Variants in GRIK2 observed in about 807,000 individuals in gnomAD.
GRIK2 encodes glutamate receptor ionotropic, kainate 2.
GRIK2 carries 32 observed loss-of-function variants against 100.3 expected under a neutral mutation model. The observed-to-expected ratio is 0.32, with a 90% CI of 0.24 to 0.43. GRIK2 has a LOEUF of 0.43. Among genes scored for constraint, GRIK2 ranks in the 20% least tolerant of loss-of-function variants. The pLI is 1.00. For missense variants in GRIK2, 843 were observed against 1,114.9 expected (o/e 0.76, Z 3.47); for synonymous variants, 417 against 389.4 (o/e 1.07, Z -0.83).
intron 14 of GRIK2, among the ~76,000 whole-genome samples, chr6:101,977,929 A>G (rs1009360387): frequency 6.6e-6 from 1 of 152,054 alleles, no homozygotes; most frequent in Admixed American, 6.6e-5. Context: ...AACATACTTG[A>G]AATGGACTGA....
Position 101,592,146 on chromosome 6 carries a change from C to T in GRIK2, c.116-29803C>T, listed in dbSNP as rs554675623. On this transcript the variant is annotated intron_variant, in intron 2 of 16. Transcript: ENST00000369134. ...AGGAGCAGATGCCAGCATCATGCTTCCTGTACAGCCTGCAGAACCATGAGC... is the reference window on the plus strand; with the variant it reads ...AGGAGCAGATGCCAGCATCATGCTTTCTGTACAGCCTGCAGAACCATGAGC... Among the ~76,000 whole-genome samples, 9 of 152,112 alleles carry T rather than the reference C, an allele frequency of 5.9e-5. No homozygotes were observed. The South Asian group carries it at 1.9e-3, about 32-fold the overall frequency.
Position 101,844,768 on chromosome 6 carries a change from G to A in GRIK2, c.1318-14519G>A, listed in dbSNP as rs760695632. 5.3e-5 allele frequency among the ~76,000 whole-genome samples: 8 copies of A among 152,044 alleles called. No individual in the cohort carries two copies. In the East Asian group the frequency reaches 7.7e-4, roughly 15 times the overall value. ...CTCATTTTTTTCTTTTTGGTACAGC[G>A]TTTGGCAAACTAAGTTCAGAGGGCT... is the stretch of plus-strand genomic sequence containing the variant. On this transcript the variant is annotated intron_variant, in intron 10 of 16. Coordinates refer to ENST00000369134, the MANE Select transcript of GRIK2 (RefSeq NM_021956.5).
At chr6:101,781,957 C>A (rs1779124324) in intron 7 of GRIK2, among the ~76,000 whole-genome samples, 1 of 152,122 alleles carries the variant, frequency 6.6e-6, no homozygotes, top group Non-Finnish European at 1.5e-5. Flanking sequence ...GGACACCCAA[C>A]TTCTCGTTCC....
intron 5 of GRIK2, among the ~76,000 whole-genome samples, chr6:101,679,615 T>TA (rs568067952): frequency 4.9e-4 from 75 of 151,936 alleles, no homozygotes; most frequent in Non-Finnish European, 8.1e-4. Context: ...GCAAGTTATT[T>TA]AAAAAAAAAT....
chr6:101,768,651 T>C (rs1445391717), intron 7 of GRIK2, among the ~76,000 whole-genome samples: 1 of 152,024 alleles, frequency 6.6e-6, no homozygotes, highest in Non-Finnish European at 1.5e-5. Context: ...GCCTAAATCA[T>C]ATTGTTTAGG....
At chr6:101,795,027 C>T (rs1260313635) in intron 7 of GRIK2, among the ~76,000 whole-genome samples, 1 of 151,840 alleles carries the variant, frequency 6.6e-6, no homozygotes, top group African/African-American at 2.4e-5. Flanking sequence ...CTACCATGAC[C>T]CACTAACTTT....
At chr6:101,520,221 AT>A (rs1348955331) in intron 2 of GRIK2, among the ~76,000 whole-genome samples, 9 of 151,918 alleles carry the variant, frequency 5.9e-5, no homozygotes, top group African/African-American at 7.2e-5. Context: ...ATTCTAAAGG[AT>A]TTTTTTCAAA....
At chr6:101,925,294 G>A (rs999851981) in intron 13 of GRIK2, among the ~76,000 whole-genome samples, 4 of 151,842 alleles carry the variant, frequency 2.6e-5, no homozygotes, top group Admixed American at 6.6e-5. Context: ...ATACTTTTTC[G>A]TAATTATTTA....
At chr6:101,936,250 T>C (rs1412695304) in intron 14 of GRIK2, among the ~76,000 whole-genome samples, 1 of 152,030 alleles carries the variant, frequency 6.6e-6, no homozygotes, top group East Asian at 1.9e-4. Flanking sequence ...CTGGAAGAAA[T>C]ATCGCAGTAA....
chr6:101,401,019 G>T (rs570326593), intron 2 of GRIK2, among the ~76,000 whole-genome samples: 157 of 152,304 alleles, frequency 1.0e-3, no homozygotes, highest in African/African-American at 2.6e-3. Context: ...TGTGTTTTTT[G>T]TGTGTGTGTT....
intron 2 of GRIK2, among the ~76,000 whole-genome samples, chr6:101,593,853 G>A (rs1392789495): frequency 1.3e-5 from 2 of 151,326 alleles, no homozygotes. Flanking sequence ...TCATGCTATT[G>A]GAAAATTTTA....
At chr6:101,942,655 G>A (rs572762361) in intron 14 of GRIK2, among the ~76,000 whole-genome samples, 1 of 152,298 alleles carries the variant, frequency 6.6e-6, no homozygotes, top group South Asian at 2.1e-4. Flanking sequence ...GTGGAACTTT[G>A]AGCTTGATAG....
intron 9 of GRIK2, among the ~76,000 whole-genome samples, chr6:101,807,766 G>C (rs1041491928): frequency 6.6e-6 from 1 of 151,878 alleles, no homozygotes; most frequent in African/African-American, 2.4e-5. Flanking sequence ...GATTGTTTTG[G>C]GTAGATTGCC....
chr6:101,668,239 A>G (rs553709498), intron 4 of GRIK2, among the ~76,000 whole-genome samples: 6 of 152,144 alleles, frequency 3.9e-5, no homozygotes, highest in Non-Finnish European at 8.8e-5. Flanking sequence ...CTAAGCCCCA[A>G]TTATCTCTGT....
At chr6:101,942,320 A>T (rs1052046908) in intron 14 of GRIK2, among the ~76,000 whole-genome samples, 10 of 152,126 alleles carry the variant, frequency 6.6e-5, no homozygotes, top group African/African-American at 2.4e-4. Flanking sequence ...GAAACAGACT[A>T]ATATAGAAAT....
intron 7 of GRIK2, among the ~76,000 whole-genome samples, chr6:101,743,420 G>GT (rs1776172993): frequency 6.6e-6 from 1 of 152,170 alleles, no homozygotes. Flanking sequence ...TTTAAGCAGG[G>GT]TTTAATCCAT....
At chr6:101,867,800 T>C (rs1279976204) in intron 11 of GRIK2, among the ~76,000 whole-genome samples, 1 of 151,502 alleles carries the variant, frequency 6.6e-6, no homozygotes, top group South Asian at 2.1e-4. Context: ...CTGTGATGTA[T>C]TCTGAGAATA....
At chr6:101,706,396 A>G (rs1382449209) in intron 7 of GRIK2, among the ~76,000 whole-genome samples, 1 of 151,882 alleles carries the variant, frequency 6.6e-6, no homozygotes, top group Non-Finnish European at 1.5e-5. Flanking sequence ...ATATTGTTGT[A>G]TATTTACAAA....
chr6:101,787,751 G>A (rs918133574), intron 7 of GRIK2, among the ~76,000 whole-genome samples: 1 of 152,112 alleles, frequency 6.6e-6, no homozygotes, highest in Non-Finnish European at 1.5e-5. Context: ...TGTTTTGTGT[G>A]CTGATGAGAA....
Sources: gnomAD v4.1 joint callset for allele counts (sites outside exome capture counted in the v4.1 genomes callset) on GRCh38, gnomAD v4.1.1 for gene constraint, MANE v1.5 for transcripts, NCBI Gene and HGNC (gene_info 2026-07-23, HGNC 2026-07-21) for gene names.